The following SLTM variants were observed in gnomAD, a reference collection of about 807,000 sequenced individuals.
The protein encoded by SLTM is SAFB like transcription modulator.
Under a neutral mutation model 134.6 loss-of-function variants are expected in SLTM, and 43 were observed. That is an observed-to-expected ratio of 0.32 (90% CI 0.25 to 0.41). SLTM has a LOEUF of 0.41. Ranked by LOEUF, SLTM falls within the 10% of genes least tolerant of loss-of-function variation. The pLI is 1.00. For synonymous variants in SLTM, 424 were observed against 432.3 expected, an observed-to-expected ratio of 0.98 and a Z score of 0.24; for missense variants, 1,055 against 1,288.8, an observed-to-expected ratio of 0.82 and a Z score of 2.78.
intron 20 of SLTM, among the ~76,000 whole-genome samples, chr15:58,882,068 G>A (rs188134028): frequency 1.0e-4 from 15 of 150,034 alleles, no homozygotes; most frequent in Admixed American, 3.4e-4. Flanking sequence ...TTAGCTGGGC[G>A]TGGTGGTGCA....
rs1442385878 is a variant in SLTM at position 58,917,014 on chromosome 15, A to T, written c.251-15T>A. ...ATGTTTTTTACCTGCGAAAGAAGGAAAATGGGCTAACAACCAATATTTTAT... is the reference window on the plus strand; with the variant it reads ...ATGTTTTTTACCTGCGAAAGAAGGATAATGGGCTAACAACCAATATTTTAT... On this transcript the variant is annotated splice_polypyrimidine_tract_variant and intron_variant, in intron 2 of 20. Coordinates refer to ENST00000380516, the MANE Select transcript of SLTM (RefSeq NM_024755.4). 9 of 1,612,440 alleles carry T rather than the reference A, an allele frequency of 5.6e-6. No individual in the cohort carries two copies. In the African/African-American group the frequency reaches 9.3e-5, roughly 17 times the overall value.
chr15:58,912,785 T>C (rs2036374892), intron 4 of SLTM, 175 bp from the exon 5 acceptor site: 1 of 545,074 alleles, frequency 1.8e-6, no homozygotes, highest in Admixed American at 3.1e-5. Context: ...CAAAAAAAAT[T>C]AGCCATGTCG....
In SLTM at chr15:58,884,563, C is replaced by T. The variant is rs371770353; in HGVS notation, c.2836-777G>A. On this transcript the variant is annotated intron_variant, in intron 19 of 20. Transcript: ENST00000380516. ...TGATCTCTTGACTTCATGATCCGCC[C>T]GCCTAGGCCTCCCAAAGTGCTGGGA... Among the ~76,000 whole-genome samples the T allele has an allele frequency of 5.9e-5, 9 of 152,184 alleles. No individual in the cohort carries two copies. The South Asian group carries it at 1.5e-3, about 25-fold the overall frequency.
At chr15:58,912,823 G>A in intron 4 of SLTM, 1 of 488,652 alleles carries the variant, frequency 2.0e-6, no homozygotes. Flanking sequence ...TTTCTCTTGA[G>A]CCCCTCATTT....
At chr15:58,883,533 G>C in intron 20 of SLTM, 93 bp downstream of exon 20, 2 of 1,515,530 alleles carry the variant, frequency 1.3e-6, no homozygotes, top group Non-Finnish European at 1.8e-6. Flanking sequence ...GTTTTCAGTA[G>C]TTGCAATTCA....
intron 2 of SLTM, among the ~76,000 whole-genome samples, chr15:58,925,204 G>C (rs2037374956): frequency 6.6e-6 from 1 of 152,026 alleles, no homozygotes; most frequent in African/African-American, 2.4e-5. Context: ...CTTAATCACA[G>C]GCCATGCCTT....
At chr15:58,922,525 T>G (rs1448584337) in intron 2 of SLTM, among the ~76,000 whole-genome samples, 1 of 139,050 alleles carries the variant, frequency 7.2e-6, no homozygotes, top group Non-Finnish European at 1.5e-5. Flanking sequence ...ATAAAATTTA[T>G]ACGTATATAA....
intron 3 of SLTM, among the ~76,000 whole-genome samples, chr15:58,914,947 G>A (rs562281193): frequency 3.2e-4 from 49 of 152,294 alleles, no homozygotes; most frequent in African/African-American, 1.2e-3. Flanking sequence ...TGTATTCCTA[G>A]CATCTTAGGA....
chr15:58,923,647 A>C (rs1050936400), intron 2 of SLTM, among the ~76,000 whole-genome samples: 1 of 152,124 alleles, frequency 6.6e-6, no homozygotes, highest in Admixed American at 6.6e-5. Flanking sequence ...ACCCGATTTA[A>C]ACCTTTGCTA....
chr15:58,893,402 T>A, intron 12 of SLTM, 38 bp from the exon 13 acceptor site: 2 of 1,432,218 alleles, frequency 1.4e-6, no homozygotes, highest in East Asian at 4.6e-5. Flanking sequence ...TGTCTAAAAT[T>A]TTTCATTGAG....
At position 58,880,006 on chromosome 15, in the gene SLTM, C is replaced by T. The variant is rs1270892367; in HGVS notation, c.3098G>A (p.Arg1033Gln). The T allele has an allele frequency of 1.2e-6, 2 of 1,612,954 alleles. No individual in the cohort carries two copies. Among genetic ancestry groups the T allele is most frequent in the African/African-American group, 1.3e-5 (1 of 74,848 alleles). ...TTGGCAGAGAGCTCATTTTCAGAAT[C>T]GTCGCGGAGGTCCACCCTTAAATGG... Reference protein sequence around the residue: ...FKPFKGGPPRRF With the variant: ...FKPFKGGPPRQF The change falls in exon 21 of 21, where the codon CGA becomes CAA. Residue 1033 changes from arginine to glutamine, a missense_variant. By Grantham distance (43) the Arg-to-Gln change is conservative. This residue lies in a region of SLTM where 776 missense variants were observed against 962.2 expected (regional missense o/e 0.81). Coordinates refer to ENST00000380516, the MANE Select transcript of SLTM (RefSeq NM_024755.4).
At chr15:58,916,854 G>T in intron 3 of SLTM, 81 bp downstream of exon 3, 1 of 1,222,598 alleles carries the variant, frequency 8.2e-7, no homozygotes, top group Non-Finnish European at 1.2e-6. Context: ...AGTGACCATT[G>T]TTCAACAAAA....
chr15:58,888,264 C>T (rs2034384027), intron 17 of SLTM, 121 bp downstream of exon 17: 1 of 763,520 alleles, frequency 1.3e-6, no homozygotes, highest in African/African-American at 1.8e-5. Flanking sequence ...GAAACAAAAA[C>T]CACGTAAATT....
intron 14 of SLTM, 74 bp downstream of exon 14, chr15:58,892,823 G>A: frequency 1.4e-5 from 20 of 1,464,180 alleles, no homozygotes; most frequent in South Asian, 1.0e-4. Flanking sequence ...ACAATTTCCA[G>A]AAATATGGCT....
At chr15:58,932,520 T>G in intron 1 of SLTM, 77 bp from the exon 2 acceptor site, 1 of 1,117,382 alleles carries the variant, frequency 8.9e-7, no homozygotes, top group Non-Finnish European at 1.3e-6. Flanking sequence ...AAAAAAAATT[T>G]AGCAAACCTC....
Position 58,897,080 on chromosome 15 carries a change from C to T in SLTM, c.1227+35G>A, listed in dbSNP as rs768750015. ...ACAATCCTCATTTCAAATGCAGACA[C>T]CAGAAAGACAGATAAAAAGGTAAAA... On this transcript the variant is annotated intron_variant, in intron 9 of 20. Coordinates refer to ENST00000380516, the MANE Select transcript of SLTM (RefSeq NM_024755.4). The T allele has an allele frequency of 1.2e-5, 15 of 1,240,176 alleles. No homozygotes were observed. In the South Asian group the frequency reaches 1.7e-4, roughly 14 times the overall value. The allele number at this position is 1,240,176 out of a possible 1,614,324, so 76.8% of individuals were successfully genotyped here.
chr15:58,894,400 G>C, intron 10 of SLTM, 33 bp downstream of exon 10: 1 of 1,611,616 alleles, frequency 6.2e-7, no homozygotes, highest in South Asian at 1.1e-5. Context: ...CATCAAATTA[G>C]ACTTGCTTTG....
rs757721318 is a variant in SLTM at position 58,889,528 on chromosome 15, A to G, written c.2106T>C (p.Ile702=). The part of the protein sequence containing the change: ...EQERRKEAER[I]AREREELRRQ... ...TTCTGAGTTCCTCTCTTTCTCGAGC[A>G]ATCCGTTCAGCTTCCTTACGACGTT... is the stretch of plus-strand genomic sequence containing the variant. Residue 702 remains isoleucine, a synonymous_variant, in exon 16 of 21, where the codon ATT becomes ATC. Transcript: ENST00000380516. 6.2e-7 allele frequency: 1 copy of G among 1,614,072 alleles called. No homozygotes were observed. The highest frequency in any genetic ancestry group is 1.7e-5 in the Admixed American group (1 of 60,024).
At position 58,887,262 on chromosome 15, in the gene SLTM, C is replaced by G; in HGVS notation, c.2654G>C (p.Ser885Thr). Residue 885 changes from serine (S) to threonine (T), a missense_variant, in exon 18 of 21, where the codon AGT becomes ACT. Physicochemically the swap from Ser to Thr is moderately conservative, Grantham distance 58. Transcript: ENST00000380516. ...PNPSRPTSWK[S>T]EGSMSTDKRE... Reference sequence around the variant, plus strand: ...TTTGTCAGTGGACATGCTTCCTTCACTTTTCCAGCTGGTGGGTCTGGAAGG... The same window carrying G: ...TTTGTCAGTGGACATGCTTCCTTCAGTTTTCCAGCTGGTGGGTCTGGAAGG... The G allele has an allele frequency of 6.2e-7, 1 of 1,614,208 alleles. No homozygotes were observed. The highest frequency in any genetic ancestry group is 8.5e-7 in the Non-Finnish European group (1 of 1,180,022).
Sources: gnomAD v4.1 joint callset for allele counts (sites outside exome capture counted in the v4.1 genomes callset) on GRCh38, gnomAD v4.1.1 for gene constraint, gnomAD v4.1.1 regional missense constraint, MANE v1.5 for transcripts, NCBI Gene and HGNC (gene_info 2026-07-23, HGNC 2026-07-21) for gene names.